Variants in PHACTR3 observed in about 807,000 individuals in gnomAD.
PHACTR3 encodes the protein phosphatase and actin regulator 3.
A neutral mutation model predicts 66.8 loss-of-function variants in PHACTR3; 16 were observed. That is an observed-to-expected ratio of 0.24 (90% confidence interval 0.16 to 0.36). PHACTR3 has a LOEUF of 0.36. PHACTR3 is among the 10% of genes least tolerant of loss of function. PHACTR3 has a pLI of 1.00. For missense variants in PHACTR3, 647 were observed against 719.9 expected (o/e 0.90, Z 1.16); for synonymous variants, 323 against 292.1 (o/e 1.11, Z -1.08).
chr20:59,667,530 A>G (rs1050802151), intron 1 of PHACTR3, among the ~76,000 whole-genome samples: 8 of 152,258 alleles, frequency 5.3e-5, no homozygotes, highest in Non-Finnish European at 1.2e-4. Context: ...CATCACAGGA[A>G]ACAAAGCAGG....
intron 2 of PHACTR3, among the ~76,000 whole-genome samples, chr20:59,747,240 ACTGGAAGCTTTTAAC>A (rs1422234230): frequency 6.6e-6 from 1 of 152,166 alleles, no homozygotes; most frequent in Non-Finnish European, 1.5e-5. Context: ...CATCTGGTAG[ACTGGAAGCTTTTAAC>A]CTGGGTTTAT....
chr20:59,800,745 G>A (rs1427635471), intron 7 of PHACTR3, among the ~76,000 whole-genome samples: 1 of 152,164 alleles, frequency 6.6e-6, no homozygotes, highest in East Asian at 1.9e-4. Flanking sequence ...TTGGGTGTTG[G>A]ATGTTTTTTG....
At chr20:59,710,904 TA>T (rs2037888998) in intron 1 of PHACTR3, among the ~76,000 whole-genome samples, 1 of 126,384 alleles carries the variant, frequency 7.9e-6, no homozygotes, top group Non-Finnish European at 1.9e-5. Context: ...GGGGGAAAAA[TA>T]AAGTCTTTTT....
intron 12 of PHACTR3, among the ~76,000 whole-genome samples, chr20:59,845,666 A>G (rs1218688114): frequency 1.3e-5 from 2 of 152,114 alleles, no homozygotes; most frequent in Non-Finnish European, 2.9e-5. Flanking sequence ...ACTTTTTCCT[A>G]TCGTAAATTA....
At chr20:59,831,033 T>C (rs1018491649) in intron 8 of PHACTR3, among the ~76,000 whole-genome samples, 2 of 152,138 alleles carry the variant, frequency 1.3e-5, no homozygotes, top group Admixed American at 6.5e-5. Context: ...CCCCATTGTT[T>C]GTCCCCTGCT....
intron 1 of PHACTR3, among the ~76,000 whole-genome samples, chr20:59,577,819 T>C (rs931788559): frequency 1.3e-5 from 2 of 152,116 alleles, no homozygotes; most frequent in African/African-American, 4.8e-5. Context: ...CGCAGCAAAG[T>C]CACCAGAGTC....
chr20:59,762,215 C>T (rs748457370), intron 4 of PHACTR3, among the ~76,000 whole-genome samples: 1 of 152,152 alleles, frequency 6.6e-6, no homozygotes, highest in African/African-American at 2.4e-5. Context: ...TTTTGGTCAG[C>T]GTAGCTGGTG....
rs1273263931 is a variant in PHACTR3, at chr20:59,841,539, CCTAA to C, written c.1587+7_1587+10del. Reference sequence around the variant, plus strand: ...GAGACTGTCAGCAGCAGATAAGGTACCTAACTGCCTGTGCTGGTGGGGGGTGTTG... The same window carrying C: ...GAGACTGTCAGCAGCAGATAAGGTACCTGCCTGTGCTGGTGGGGGGTGTTG... On this transcript the variant is annotated splice_donor_5th_base_variant and intron_variant, in intron 11 of 12. Transcript: ENST00000371015. The C allele has an allele frequency of 1.2e-6, 2 of 1,610,354 alleles. No individual in the cohort carries two copies. Among genetic ancestry groups the C allele is most frequent in the Non-Finnish European group, 8.5e-7 (1 of 1,178,436 alleles).
rs139799389 is a variant in PHACTR3, at chr20:59,767,354, C to T, written c.710C>T (p.Pro237Leu). ...QLPSPPLLPT[P>L]PPKASSKTTK... is the part of the protein sequence containing the mutation. The stretch of plus-strand genomic sequence containing the variant: ...CCCAGCCCCCCACTGCTGCCCACTC[C>T]GCCACCCAAGGCAAGCTCCAAAACC... Residue 237 changes from proline to leucine, a missense_variant, in exon 5 of 13, where the codon CCG becomes CTG. Coordinates refer to ENST00000371015, the MANE Select transcript of PHACTR3 (RefSeq NM_080672.5). 9.3e-4 allele frequency: 1,503 copies of T among 1,614,092 alleles called. 2 individuals carry two copies. The highest frequency in any genetic ancestry group is 1.1e-3 in the Non-Finnish European group (1,321 of 1,180,040).
rs930113900 is a variant in PHACTR3 at position 59,830,223 on chromosome 20, G to GTGAGTGTCTGATGGAAGAGGGTA, written c.1329-6269_1329-6247dup. ...GTATGAGTGTCTGATAGAAGAGGGCGTGAGTGTCTGATGGAAGAGGGTATG... is the reference window on the plus strand; with the variant it reads ...GTATGAGTGTCTGATAGAAGAGGGCGTGAGTGTCTGATGGAAGAGGGTATGAGTGTCTGATGGAAGAGGGTATG... On this transcript the variant is annotated intron_variant, in intron 8 of 12. Transcript: ENST00000371015. This position sits in a 1 kb window ranked among gnomAD's most constrained non-coding sequence, Gnocchi z 5.8. Among the ~76,000 whole-genome samples the GTGAGTGTCTGATGGAAGAGGGTA allele has an allele frequency of 2.2e-5, 3 of 138,894 alleles. No homozygotes were observed. The highest frequency in any genetic ancestry group is 2.2e-4 in the South Asian group (1 of 4,590). 91.1% of individuals were successfully genotyped at this position (138,894 alleles called of 152,430 possible). A position where few individuals can be genotyped will look rare whatever the true frequency, so the allele number is the denominator to read the frequency against.
At chr20:59,806,813 C>T (rs1355827457) in intron 8 of PHACTR3, among the ~76,000 whole-genome samples, 3 of 152,242 alleles carry the variant, frequency 2.0e-5, no homozygotes, top group East Asian at 1.9e-4. Flanking sequence ...CCTGGCTCCA[C>T]GCTGTAGCTG....
intron 1 of PHACTR3, among the ~76,000 whole-genome samples, chr20:59,693,277 A>G (rs1281644987): frequency 6.6e-6 from 1 of 152,210 alleles, no homozygotes; most frequent in Non-Finnish European, 1.5e-5. Flanking sequence ...CTTAGCCCAC[A>G]ATCCGTCCCC....
At chr20:59,590,183 A>G (rs2033145694) in intron 1 of PHACTR3, among the ~76,000 whole-genome samples, 2 of 152,240 alleles carry the variant, frequency 1.3e-5, no homozygotes, top group South Asian at 2.1e-4. Context: ...AACCCAGGAA[A>G]TAAGAGCTCC....
rs1312854603 is a variant in PHACTR3 at position 59,736,877 on chromosome 20, C to T, written c.119-6230C>T. On this transcript the variant is annotated intron_variant, in intron 1 of 12. Coordinates refer to ENST00000371015, the MANE Select transcript of PHACTR3 (RefSeq NM_080672.5). This position sits in a 1 kb window ranked among gnomAD's most constrained non-coding sequence, Gnocchi z 4.6. ...GGCAGAGGGGAGAGGGAATTTCCTCCCAAGGGGGATGCAGAGCAGCACAGC... is the reference window on the plus strand; with the variant it reads ...GGCAGAGGGGAGAGGGAATTTCCTCTCAAGGGGGATGCAGAGCAGCACAGC... Among the ~76,000 whole-genome samples, 1 of 152,120 alleles carries T rather than the reference C, an allele frequency of 6.6e-6. No individual in the cohort carries two copies. Among genetic ancestry groups the T allele is most frequent in the Non-Finnish European group, 1.5e-5 (1 of 68,016 alleles).
upstream of PHACTR3, among the ~76,000 whole-genome samples, chr20:59,603,146 CTT>C (rs1163214527): frequency 2.0e-5 from 3 of 152,216 alleles, no homozygotes; most frequent in African/African-American, 4.8e-5. Flanking sequence ...CCAGTTTCCT[CTT>C]TGTTTCCTGA....
chr20:59,748,082 G>A (rs796140866), intron 3 of PHACTR3, among the ~76,000 whole-genome samples: 1 of 152,198 alleles, frequency 6.6e-6, no homozygotes, highest in Non-Finnish European at 1.5e-5. Context: ...CTCCTCTCTG[G>A]GGAATGTCTA....
chr20:59,577,932 G>A (rs1464351949), intron 1 of PHACTR3, among the ~76,000 whole-genome samples: 3 of 152,270 alleles, frequency 2.0e-5, no homozygotes, highest in African/African-American at 4.8e-5. Flanking sequence ...GAGCCTGTGC[G>A]CATGGCGTTT....
intron 3 of PHACTR3, among the ~76,000 whole-genome samples, chr20:59,754,495 C>G (rs991739254): frequency 6.6e-6 from 1 of 152,216 alleles, no homozygotes; most frequent in African/African-American, 2.4e-5. Context: ...ATCTTACTAA[C>G]CTCCACCTTG....
intron 8 of PHACTR3, among the ~76,000 whole-genome samples, chr20:59,814,315 A>T (rs2041827179): frequency 1.3e-5 from 2 of 152,154 alleles, no homozygotes; most frequent in Admixed American, 1.3e-4. Context: ...GGTGAGGATG[A>T]ACGGCAGGCC....
Sources: allele counts gnomAD v4.1 joint callset (sites outside exome capture counted in the v4.1 genomes callset), GRCh38; gene constraint gnomAD v4.1.1; non-coding constraint Gnocchi (gnomAD v3.1); transcripts MANE v1.5; gene names NCBI Gene and HGNC (gene_info 2026-07-23, HGNC 2026-07-21).